Variants in DPYSL2 observed in about 807,000 individuals in gnomAD.
DPYSL2 encodes dihydropyrimidinase-related protein 2.
DPYSL2 carries 13 observed loss-of-function variants against 69.9 expected under a neutral mutation model. The ratio of observed to expected loss-of-function variants is 0.19; its 90% CI spans 0.12 to 0.30. DPYSL2 has a LOEUF of 0.30. Ranked by LOEUF, DPYSL2 falls within the 10% of genes least tolerant of loss-of-function variation. The probability of loss-of-function intolerance (pLI) is 1.00; values close to 1 mark genes in which losing one functional copy is unlikely to be tolerated. For synonymous variants in DPYSL2, 326 were observed against 359.1 expected (o/e 0.91, Z 1.04); for missense variants, 587 against 918.9 (o/e 0.64, Z 4.67).
In DPYSL2 at chr8:26,653,218, C is replaced by A; in HGVS notation, c.1777-14C>A. 1.2e-6 allele frequency: 2 copies of A among 1,612,534 alleles called. No individual in the cohort carries two copies. Among genetic ancestry groups the A allele is most frequent in the Non-Finnish European group, 1.7e-6 (2 of 1,179,104 alleles). Reference sequence around the variant, plus strand: ...GGCTGTGGCCTGAGCTGGGGGGACTCTTGTGTTTTGCAGCTGGCTGAGCTG... The same window carrying A: ...GGCTGTGGCCTGAGCTGGGGGGACTATTGTGTTTTGCAGCTGGCTGAGCTG... On this transcript the variant is annotated splice_polypyrimidine_tract_variant and intron_variant, in intron 12 of 13. Coordinates refer to ENST00000521913, the MANE Select transcript of DPYSL2 (RefSeq NM_001197293.3). This position sits in a 1 kb window ranked among gnomAD's most constrained non-coding sequence, Gnocchi z 5.7.
At position 26,517,650 on chromosome 8, in the gene DPYSL2, C is replaced by T. The variant is rs1808313873; in HGVS notation, c.354+2971C>T. On this transcript the variant is annotated intron_variant, in intron 1 of 13. Transcript: ENST00000521913. This position sits in a 1 kb window ranked among gnomAD's most constrained non-coding sequence, Gnocchi z 4.2. ...CACTCCAGACACAGCGTAGCCAGAA[C>T]CAGTGGCTCCACCAGCAATACTGGA... Among the ~76,000 whole-genome samples, 1 of 152,216 alleles carries T rather than the reference C, an allele frequency of 6.6e-6. No homozygotes were observed. Among genetic ancestry groups the T allele is most frequent in the African/African-American group, 2.4e-5 (1 of 41,460 alleles).
In DPYSL2 at chr8:26,586,674, A is replaced by G. The variant is rs939590361; in HGVS notation, c.628+2691A>G. On this transcript the variant is annotated intron_variant, in intron 3 of 13. Transcript: ENST00000521913. The surrounding 1 kb of genome is among the most constrained non-coding windows in gnomAD (Gnocchi z 4.7). ...TCATCCAGATGGGTTCCTTCTGTTTAGGGACGAGGGACATCCCCCTCTGAG... is the reference window on the plus strand; with the variant it reads ...TCATCCAGATGGGTTCCTTCTGTTTGGGGACGAGGGACATCCCCCTCTGAG... Among the ~76,000 whole-genome samples, 4 of 152,076 alleles carry G rather than the reference A, an allele frequency of 2.6e-5. No homozygotes were observed. In the South Asian group the frequency reaches 8.3e-4, roughly 32 times the overall value.
intron 1 of DPYSL2, among the ~76,000 whole-genome samples, chr8:26,532,115 G>A (rs1800518603): frequency 6.6e-6 from 1 of 152,176 alleles, no homozygotes; most frequent in Non-Finnish European, 1.5e-5. Flanking sequence ...TAGGAGGCAG[G>A]TGTGGTTCCC....
intron 1 of DPYSL2, among the ~76,000 whole-genome samples, chr8:26,573,395 G>A (rs749466313): frequency 9.2e-5 from 14 of 152,160 alleles, no homozygotes; most frequent in African/African-American, 2.2e-4. Flanking sequence ...GTGGCCGGGC[G>A]CGGTGGCTCA....
chr8:26,578,018 T>TCTC (rs1491419774), intron 1 of DPYSL2: 3 of 1,343,166 alleles, frequency 2.2e-6, no homozygotes, highest in Middle Eastern at 2.8e-4. Flanking sequence ...TCTCTCTCTC[T>TCTC]TTTTTTTCCG....
intron 1 of DPYSL2, among the ~76,000 whole-genome samples, chr8:26,552,192 A>G (rs116967969): frequency 0.017 from 2,533 of 152,306 alleles, 28 homozygotes; most frequent in South Asian, 0.054. Context: ...TTTAACTATG[A>G]GAAGATGAAA....
intron 1 of DPYSL2, chr8:26,578,042 T>C: frequency 7.0e-7 from 1 of 1,429,562 alleles, no homozygotes; most frequent in South Asian, 1.5e-5. Flanking sequence ...TAGCTGGGGC[T>C]GTGTTGGAGG....
chr8:26,607,719 G>T (rs186480012), intron 3 of DPYSL2, among the ~76,000 whole-genome samples: 1 of 151,884 alleles, frequency 6.6e-6, no homozygotes, highest in Non-Finnish European at 1.5e-5. Flanking sequence ...GAGCCTGGCA[G>T]GTTGAGGCTG....
chr8:26,603,133 C>G (rs1044139087), intron 3 of DPYSL2, among the ~76,000 whole-genome samples: 2 of 152,062 alleles, frequency 1.3e-5, no homozygotes, highest in Non-Finnish European at 2.9e-5. Flanking sequence ...TTTCATTTCT[C>G]GGAGCCACAG....
intron 3 of DPYSL2, among the ~76,000 whole-genome samples, chr8:26,615,074 G>A (rs2129867110): frequency 6.6e-6 from 1 of 152,342 alleles, no homozygotes; most frequent in Middle Eastern, 3.4e-3. Flanking sequence ...CACGGGAGGT[G>A]TGGCTGTTGC....
intron 3 of DPYSL2, among the ~76,000 whole-genome samples, chr8:26,622,146 CTT>C (rs1468693576): frequency 3.3e-4 from 17 of 51,368 alleles, no homozygotes; most frequent in Admixed American, 1.3e-3. Context: ...TCCTTCCTTC[CTT>C]CCTTCCTTCC....
chr8:26,632,976 G>A (rs1405621955), intron 7 of DPYSL2, among the ~76,000 whole-genome samples: 1 of 152,222 alleles, frequency 6.6e-6, no homozygotes, highest in Non-Finnish European at 1.5e-5. Context: ...TCTCAGCTCT[G>A]CTAAATTAGA....
intron 1 of DPYSL2, among the ~76,000 whole-genome samples, chr8:26,523,149 A>G (rs956031867): frequency 3.3e-5 from 5 of 151,264 alleles, no homozygotes; most frequent in Non-Finnish European, 7.4e-5. Flanking sequence ...ATACAGACAT[A>G]CATGTATATA....
At chr8:26,531,608 T>C (rs563555111) in intron 1 of DPYSL2, among the ~76,000 whole-genome samples, 2 of 152,162 alleles carry the variant, frequency 1.3e-5, no homozygotes, top group South Asian at 2.1e-4. Flanking sequence ...ATAAGACAAA[T>C]AGACAGAACC....
rs968255569 is a variant in DPYSL2 at position 26,598,488 on chromosome 8, G to A, written c.628+14505G>A. ...TCCATGTTAAAAAAGGAAGATCCAT[G>A]TTGCTGTACTTAATGCTTCATGTTT... On this transcript the variant is annotated intron_variant, in intron 3 of 13. Transcript: ENST00000521913. The surrounding 1 kb of genome is among the most constrained non-coding windows in gnomAD (Gnocchi z 4.2). Among the ~76,000 whole-genome samples the A allele has an allele frequency of 6.6e-6, 1 of 152,150 alleles. No individual in the cohort carries two copies. Among genetic ancestry groups the A allele is most frequent in the Non-Finnish European group, 1.5e-5 (1 of 68,032 alleles).
intron 3 of DPYSL2, among the ~76,000 whole-genome samples, chr8:26,594,646 C>T (rs889816349): frequency 1.3e-5 from 2 of 152,132 alleles, no homozygotes; most frequent in Non-Finnish European, 2.9e-5. Flanking sequence ...TATCATTAAT[C>T]TATCATCTTT....
chr8:26,622,155 T>TCCCTCCCTCCC (rs1563413431), intron 3 of DPYSL2, among the ~76,000 whole-genome samples: 7 of 69,050 alleles, frequency 1.0e-4, no homozygotes, highest in Admixed American at 3.0e-4. Flanking sequence ...CCTTCCTTCC[T>TCCCTCCCTCCC]TCCCTCTCTC....
rs1202294555 is a variant in DPYSL2, at chr8:26,587,742, A to G, written c.628+3759A>G. ...ACTGCAGACATACCCTGCAGGCGGC[A>G]TCCAGACCGGCTGAGGGGTTGCGGG... On this transcript the variant is annotated intron_variant, in intron 3 of 13. Coordinates refer to ENST00000521913, the MANE Select transcript of DPYSL2 (RefSeq NM_001197293.3). The surrounding 1 kb of genome is among the most constrained non-coding windows in gnomAD (Gnocchi z 4.2). Among the ~76,000 whole-genome samples, 2 of 152,134 alleles carry G rather than the reference A, an allele frequency of 1.3e-5. No homozygotes were observed. The highest frequency in any genetic ancestry group is 2.9e-5 in the Non-Finnish European group (2 of 68,020).
At chr8:26,534,331 C>T (rs1335975041) in intron 1 of DPYSL2, among the ~76,000 whole-genome samples, 1 of 152,122 alleles carries the variant, frequency 6.6e-6, no homozygotes, top group Non-Finnish European at 1.5e-5. Context: ...CAGGGGCATA[C>T]CACCACACTT....
Sources: allele counts gnomAD v4.1 joint callset (sites outside exome capture counted in the v4.1 genomes callset), GRCh38; gene constraint gnomAD v4.1.1; non-coding constraint Gnocchi (gnomAD v3.1); transcripts MANE v1.5; gene names NCBI Gene and HGNC (gene_info 2026-07-23, HGNC 2026-07-21).